Variants in NGLY1 observed in about 807,000 individuals in gnomAD.
The protein encoded by NGLY1 is N-glycanase 1.
In NGLY1, 68 loss-of-function variants were observed where a neutral mutation model predicts 84.6. That is an observed-to-expected ratio of 0.80 (90% CI 0.66 to 0.98). The LOEUF is 0.98. NGLY1 is among the 50% of genes least tolerant of loss of function. The pLI is 0.00. For missense variants in NGLY1, 779 were observed against 770.2 expected, an observed-to-expected ratio of 1.01 and a Z score of -0.14; for synonymous variants, 280 against 275.2, an observed-to-expected ratio of 1.02 and a Z score of -0.17.
chr3:25,784,830 G>A (rs1194356000), upstream of NGLY1, among the ~76,000 whole-genome samples: 2 of 152,086 alleles, frequency 1.3e-5, no homozygotes, highest in East Asian at 1.9e-4. Context: ...TGTTACTACC[G>A]TCTGTAACTA....
At chr3:25,765,966 A>T (rs1707547569) in intron 2 of NGLY1, among the ~76,000 whole-genome samples, 1 of 151,508 alleles carries the variant, frequency 6.6e-6, no homozygotes, top group Non-Finnish European at 1.5e-5. Flanking sequence ...CCTAACCTCA[A>T]ATGATCCTCC....
intron 2 of NGLY1, among the ~76,000 whole-genome samples, chr3:25,765,925 C>T (rs1435903340): frequency 6.6e-6 from 1 of 151,650 alleles, no homozygotes; most frequent in Admixed American, 6.6e-5. Flanking sequence ...AGACAGGGGT[C>T]TCACTCTTTT....
At chr3:25,772,864 G>C (rs1457231317) in intron 2 of NGLY1, among the ~76,000 whole-genome samples, 1 of 152,114 alleles carries the variant, frequency 6.6e-6, no homozygotes, top group Non-Finnish European at 1.5e-5. Context: ...TTGTCTGAAA[G>C]ACTATCTTTC....
chr3:25,764,544 T>C (rs1438608264), intron 2 of NGLY1, among the ~76,000 whole-genome samples: 2 of 152,220 alleles, frequency 1.3e-5, no homozygotes, highest in Non-Finnish European at 2.9e-5. Flanking sequence ...ATTTAATCCT[T>C]AGCCTATTTA....
rs9853926 is a variant in NGLY1, at chr3:25,748,866, C to A, written c.658+2232G>T. 8.7e-3 allele frequency among the ~76,000 whole-genome samples: 1,317 copies of A among 151,768 alleles called. 18 individuals are homozygous for A. Among genetic ancestry groups the A allele is most frequent in the African/African-American group, 0.03 (1,236 of 41,364 alleles). On this transcript the variant is annotated intron_variant, in intron 4 of 11. Coordinates refer to ENST00000280700, the MANE Select transcript of NGLY1 (RefSeq NM_018297.4). ...GTTCTACTTTACCTAAAAATATACA[C>A]ATACCAATGATTAAACTGCAAATGC...
At chr3:25,761,884 C>G (rs1707337717) in intron 3 of NGLY1, among the ~76,000 whole-genome samples, 1 of 151,994 alleles carries the variant, frequency 6.6e-6, no homozygotes, top group Admixed American at 6.6e-5. Context: ...TAAAAAGGAA[C>G]AAAATACTGA....
intron 4 of NGLY1, among the ~76,000 whole-genome samples, chr3:25,744,384 T>A (rs150788717): frequency 6.6e-6 from 1 of 152,202 alleles, no homozygotes; most frequent in African/African-American, 2.4e-5. Context: ...TCTATCTCAT[T>A]TGGCAGTGCC....
At chr3:25,779,960 T>C (rs2125324707) in intron 1 of NGLY1, among the ~76,000 whole-genome samples, 1 of 152,318 alleles carries the variant, frequency 6.6e-6, no homozygotes, top group South Asian at 2.1e-4. Flanking sequence ...AATTTTTTCT[T>C]TGTTTGTTTA....
chr3:25,759,918 ACACAC>A (rs1243801523), intron 3 of NGLY1, among the ~76,000 whole-genome samples: 2 of 138,086 alleles, frequency 1.4e-5, no homozygotes, highest in Non-Finnish European at 3.0e-5. Flanking sequence ...AGTTAAAAAA[ACACAC>A]ACACACACAC....
chr3:25,756,380 C>A (rs555915938), intron 3 of NGLY1, among the ~76,000 whole-genome samples: 1 of 152,240 alleles, frequency 6.6e-6, no homozygotes, highest in South Asian at 2.1e-4. Context: ...TTTTGTGATT[C>A]ACTTTAACCT....
chr3:25,728,600 C>T (rs1575611408), intron 10 of NGLY1, among the ~76,000 whole-genome samples: 1 of 152,004 alleles, frequency 6.6e-6, no homozygotes, highest in African/African-American at 2.4e-5. Context: ...GTCCTAACCT[C>T]TACTTAATTA....
At chr3:25,735,028 G>GT (rs1705745687) in intron 7 of NGLY1, 2 of 251,594 alleles carry the variant, frequency 7.9e-6, no homozygotes, top group South Asian at 1.5e-4. Flanking sequence ...TTATCCATAT[G>GT]TAAAAAAAAA....
At chr3:25,730,165 A>T (rs1186558243) in intron 9 of NGLY1, 1 of 152,066 alleles carries the variant, frequency 6.6e-6, no homozygotes, top group Non-Finnish European at 1.5e-5. Context: ...GTCCAAAATA[A>T]CATTAATATT....
intron 2 of NGLY1, among the ~76,000 whole-genome samples, chr3:25,776,463 T>C (rs960578403): frequency 2.0e-5 from 3 of 152,224 alleles, no homozygotes; most frequent in African/African-American, 4.8e-5. Context: ...AAATTCTTTA[T>C]GTTCGGATAC....
At chr3:25,728,420 T>C (rs943216935) in intron 10 of NGLY1, among the ~76,000 whole-genome samples, 19 of 152,138 alleles carry the variant, frequency 1.2e-4, no homozygotes, top group Admixed American at 9.8e-4. Flanking sequence ...GTTAATTAAT[T>C]CCTATGAAAA....
In NGLY1 at chr3:25,783,228, G is replaced by A. The variant is rs1708502667; in HGVS notation, c.131+32C>T. On this transcript the variant is annotated intron_variant, in intron 1 of 11. Transcript: ENST00000280700. This position sits in a 1 kb window ranked among gnomAD's most constrained non-coding sequence, Gnocchi z 4.5. Reference sequence around the variant, plus strand: ...CAAGGTGCCGCGGCCCACCCACCCCGGTACCCGCCGTCCGACCCCGTTGCC... The same window carrying A: ...CAAGGTGCCGCGGCCCACCCACCCCAGTACCCGCCGTCCGACCCCGTTGCC... 7.9e-6 allele frequency: 6 copies of A among 764,100 alleles called. No homozygotes were observed. The highest frequency in any genetic ancestry group is 1.1e-5 in the Non-Finnish European group (5 of 460,074). The allele number at this position is 764,100 out of a possible 1,614,324, so 47.3% of individuals were successfully genotyped here.
chr3:25,743,316 C>T (rs1333728671), intron 4 of NGLY1, among the ~76,000 whole-genome samples: 2 of 152,154 alleles, frequency 1.3e-5, no homozygotes, highest in South Asian at 2.1e-4. Flanking sequence ...TAAATACCCT[C>T]TTCCCTCTCT....
Position 25,739,665 on chromosome 3 carries a change from G to A in NGLY1, c.793C>T (p.Leu265=). ...GQTRSRDRSL[L]PSDDELKWGA... Reference sequence around the variant, plus strand: ...CACTTCAGCTCATCATCACTGGGCAGTAATGATCTATCTCTAGACCTAGTC... The same window carrying A: ...CACTTCAGCTCATCATCACTGGGCAATAATGATCTATCTCTAGACCTAGTC... Residue 265 remains leucine, a synonymous_variant, in exon 5 of 12, where the codon CTG becomes TTG. Transcript: ENST00000280700. 6.2e-7 allele frequency: 1 copy of A among 1,614,086 alleles called. No homozygotes were observed. The highest frequency in any genetic ancestry group is 2.2e-5 in the East Asian group (1 of 44,868).
intron 1 of NGLY1, among the ~76,000 whole-genome samples, chr3:25,779,872 T>C (rs1174394316): frequency 6.6e-6 from 1 of 151,734 alleles, no homozygotes; most frequent in Non-Finnish European, 1.5e-5. Flanking sequence ...AAATGCTCTA[T>C]TTTTTTTGCT....
Sources: gnomAD v4.1 joint callset for allele counts (sites outside exome capture counted in the v4.1 genomes callset) on GRCh38, gnomAD v4.1.1 for gene constraint, Gnocchi (gnomAD v3.1) non-coding constraint, MANE v1.5 for transcripts, NCBI Gene and HGNC (gene_info 2026-07-23, HGNC 2026-07-21) for gene names.